The following SRGAP1 variants were observed in gnomAD, a reference collection of about 807,000 sequenced individuals.
SRGAP1 encodes the protein SLIT-ROBO Rho GTPase activating protein 1, also known as SLIT-ROBO Rho GTPase-activating protein 1.
A neutral mutation model predicts 121.9 loss-of-function variants in SRGAP1; 43 were observed. The ratio of observed to expected loss-of-function variants is 0.35; its 90% CI spans 0.28 to 0.46. The LOEUF (loss-of-function observed/expected upper bound fraction) is 0.46, where lower values mean the gene tolerates loss of function less well. Among genes scored for constraint, SRGAP1 ranks in the 20% least tolerant of loss-of-function variants. The pLI is 1.00. For missense variants in SRGAP1, 1,102 were observed against 1,350.9 expected (o/e 0.82, Z 2.89); for synonymous variants, 447 against 485.4 (o/e 0.92, Z 1.04).
In SRGAP1 at chr12:63,851,856, T is replaced by C. The variant is rs187981267; in HGVS notation, c.67+6973T>C. 3.6e-3 allele frequency among the ~76,000 whole-genome samples: 545 copies of C among 151,930 alleles called. 12 individuals are homozygous for C. The highest frequency in any genetic ancestry group is 1.3e-3 in the Admixed American group (20 of 15,260). On this transcript the variant is annotated intron_variant, in intron 1 of 21. Coordinates refer to ENST00000355086, the MANE Select transcript of SRGAP1 (RefSeq NM_020762.4). ...TGCTGGGATTACAGGTGTGAGCCACTGCATCTGGCCTCCTTGTTGTCTTTG... is the reference window on the plus strand; with the variant it reads ...TGCTGGGATTACAGGTGTGAGCCACCGCATCTGGCCTCCTTGTTGTCTTTG...
At chr12:64,142,043 C>A (rs1201343291) in intron 21 of SRGAP1, among the ~76,000 whole-genome samples, 1 of 152,052 alleles carries the variant, frequency 6.6e-6, no homozygotes, top group Non-Finnish European at 1.5e-5. Context: ...CATTAGAAGG[C>A]TACCTTAGGG....
At chr12:64,058,543 C>T (rs1416413506) in intron 6 of SRGAP1, among the ~76,000 whole-genome samples, 1 of 152,126 alleles carries the variant, frequency 6.6e-6, no homozygotes, top group Non-Finnish European at 1.5e-5. Context: ...TTTCCAACAG[C>T]CTTTTCTTCT....
chr12:64,027,802 TA>T (rs1318016704), intron 4 of SRGAP1, among the ~76,000 whole-genome samples: 1 of 151,614 alleles, frequency 6.6e-6, no homozygotes, highest in Non-Finnish European at 1.5e-5. Context: ...TGTATTGAAT[TA>T]GGGGCATACA....
intron 1 of SRGAP1, among the ~76,000 whole-genome samples, chr12:63,871,230 A>G (rs1451808513): frequency 3.9e-5 from 6 of 152,198 alleles, no homozygotes; most frequent in Admixed American, 3.3e-4. Context: ...TGGACATCAA[A>G]TCATGGCTAT....
chr12:64,004,665 C>G (rs540102848), intron 3 of SRGAP1, among the ~76,000 whole-genome samples: 1 of 152,134 alleles, frequency 6.6e-6, no homozygotes, highest in Non-Finnish European at 1.5e-5. Flanking sequence ...CCACCGCGCT[C>G]GGCCCAATAA....
chr12:63,963,950 T>G (rs1274914714), intron 1 of SRGAP1, among the ~76,000 whole-genome samples: 1 of 152,218 alleles, frequency 6.6e-6, no homozygotes, highest in Admixed American at 6.5e-5. Context: ...AGAGTAAGGT[T>G]GTTTTATTTG....
chr12:64,095,919 G>A (rs2036146722), intron 14 of SRGAP1, among the ~76,000 whole-genome samples: 1 of 152,114 alleles, frequency 6.6e-6, no homozygotes, highest in Non-Finnish European at 1.5e-5. Context: ...TAGCAAAGCT[G>A]CACACTTTCG....
intron 4 of SRGAP1, chr12:64,038,414 G>C (rs993763415): frequency 6.6e-6 from 1 of 151,938 alleles, no homozygotes; most frequent in South Asian, 2.1e-4. Context: ...ATAATTTCCC[G>C]ACACCTAGTA....
At chr12:64,109,420 G>A (rs991328303) in intron 16 of SRGAP1, among the ~76,000 whole-genome samples, 2 of 152,218 alleles carry the variant, frequency 1.3e-5, no homozygotes, top group African/African-American at 4.8e-5. Context: ...TAATATTGTA[G>A]TTGAGGATGG....
At chr12:63,871,703 T>A (rs1300539874) in intron 1 of SRGAP1, 8 of 819,520 alleles carry the variant, frequency 9.8e-6, no homozygotes, top group African/African-American at 1.7e-5. Context: ...GCTTCAACAT[T>A]TTCTCTTCAA....
At chr12:64,048,249 T>C (rs1230079058) in intron 6 of SRGAP1, among the ~76,000 whole-genome samples, 4 of 152,186 alleles carry the variant, frequency 2.6e-5, no homozygotes. Flanking sequence ...ATGTGAAGTT[T>C]GTCTTTCTGT....
At chr12:64,075,610 G>A (rs1254742769) in intron 8 of SRGAP1, among the ~76,000 whole-genome samples, 1 of 152,178 alleles carries the variant, frequency 6.6e-6, no homozygotes. Flanking sequence ...GCGTGATACT[G>A]TCATTAGAAA....
At chr12:63,910,593 A>G in intron 1 of SRGAP1, among the ~76,000 whole-genome samples, 1 of 152,238 alleles carries the variant, frequency 6.6e-6, no homozygotes, top group East Asian at 1.9e-4. Context: ...GAAACACATT[A>G]AAGTCATGGT....
intron 6 of SRGAP1, among the ~76,000 whole-genome samples, chr12:64,045,437 A>ATT (rs1223700896): frequency 4.9e-5 from 7 of 143,560 alleles, no homozygotes; most frequent in Admixed American, 1.4e-4. Context: ...ATCCAAACCA[A>ATT]TTTTTTTTTT....
intron 1 of SRGAP1, among the ~76,000 whole-genome samples, chr12:63,959,454 T>C (rs1335302991): frequency 6.6e-6 from 1 of 152,116 alleles, no homozygotes; most frequent in Non-Finnish European, 1.5e-5. Context: ...GAATAGAAAC[T>C]CAAGAAATCC....
At chr12:64,098,519 A>T (rs190766740) in intron 15 of SRGAP1, among the ~76,000 whole-genome samples, 1 of 152,030 alleles carries the variant, frequency 6.6e-6, no homozygotes, top group Non-Finnish European at 1.5e-5. Flanking sequence ...AAAAATAAAA[A>T]ATTAGCCAGG....
chr12:63,966,467 A>G (rs748267562), intron 1 of SRGAP1, among the ~76,000 whole-genome samples: 6 of 152,238 alleles, frequency 3.9e-5, no homozygotes, highest in Admixed American at 1.3e-4. Context: ...GGAAATCTTC[A>G]CTTATGCTAA....
intron 1 of SRGAP1, among the ~76,000 whole-genome samples, chr12:63,874,945 T>G (rs1034039461): frequency 2.6e-5 from 4 of 152,246 alleles, no homozygotes; most frequent in Admixed American, 6.5e-5. Flanking sequence ...AGATAGGATC[T>G]TGCTCTGCTG....
At chr12:63,996,700 G>A (rs902447566) in intron 3 of SRGAP1, among the ~76,000 whole-genome samples, 1 of 152,050 alleles carries the variant, frequency 6.6e-6, no homozygotes, top group Non-Finnish European at 1.5e-5. Flanking sequence ...AAGCATTTTA[G>A]TGCAGTGTTG....
Sources: gnomAD v4.1 joint callset for allele counts (sites outside exome capture counted in the v4.1 genomes callset) on GRCh38, gnomAD v4.1.1 for gene constraint, MANE v1.5 for transcripts, NCBI Gene and HGNC (gene_info 2026-07-23, HGNC 2026-07-21) for gene names.